IL1RL1: variants seen among roughly 807,000 people sequenced by gnomAD.
IL1RL1 encodes the protein interleukin 1 receptor like 1, also known as interleukin-1 receptor-like 1.
A neutral mutation model predicts 50.9 loss-of-function variants in IL1RL1; 32 were observed. That is an observed-to-expected ratio of 0.63 (90% CI 0.47 to 0.84). IL1RL1 has a LOEUF of 0.84. IL1RL1 is among the 40% of genes least tolerant of loss of function. The pLI is 0.00. For synonymous variants in IL1RL1, 275 were observed against 236.0 expected, an observed-to-expected ratio of 1.17 and a Z score of -1.51; for missense variants, 773 against 662.9, an observed-to-expected ratio of 1.17 and a Z score of -1.82.
rs116828429 is a variant in IL1RL1, at chr2:102,335,089, C to T, written c.-149-3027C>T. ...AGTGGGTGTTTGCCAGAGAAACAAGCGGACACTGGAAGATTTCTGATTAAG... is the reference window on the plus strand; with the variant it reads ...AGTGGGTGTTTGCCAGAGAAACAAGTGGACACTGGAAGATTTCTGATTAAG... On this transcript the variant is annotated intron_variant, in intron 1 of 10. Coordinates refer to ENST00000233954, the MANE Select transcript of IL1RL1 (RefSeq NM_016232.5). Among the ~76,000 whole-genome samples the T allele has an allele frequency of 5.5e-3, 844 of 152,180 alleles. 17 individuals are homozygous for T. The highest frequency in any genetic ancestry group is 0.02 in the African/African-American group (814 of 41,508).
At chr2:102,344,149 AGG>A in intron 8 of IL1RL1, 1 of 159,012 alleles carries the variant, frequency 6.3e-6, no homozygotes, top group Non-Finnish European at 1.3e-5. Context: ...AGCGAGAGAG[AGG>A]TGCCACACTG....
chr2:102,320,254 A>G (rs1676799028), intron 1 of IL1RL1, among the ~76,000 whole-genome samples: 1 of 152,168 alleles, frequency 6.6e-6, no homozygotes, highest in Admixed American at 6.5e-5. Flanking sequence ...CCTGGGTCAG[A>G]ACTCAGGGTC....
intron 5 of IL1RL1, among the ~76,000 whole-genome samples, 195 bp downstream of exon 5, chr2:102,341,023 G>T: frequency 6.6e-6 from 1 of 152,142 alleles, no homozygotes; most frequent in East Asian, 1.9e-4. Context: ...AGAAATTTCA[G>T]GGGGAAATTA....
At chr2:102,348,800 T>C (rs1363276600) in intron 9 of IL1RL1, among the ~76,000 whole-genome samples, 1 of 152,184 alleles carries the variant, frequency 6.6e-6, no homozygotes, top group Non-Finnish European at 1.5e-5. Flanking sequence ...TAGTCATAGA[T>C]TATTAATCAA....
At chr2:102,347,453 A>G (rs954825104) in intron 8 of IL1RL1, among the ~76,000 whole-genome samples, 1 of 152,188 alleles carries the variant, frequency 6.6e-6, no homozygotes, top group African/African-American at 2.4e-5. Flanking sequence ...CTTTCTAATC[A>G]TATCTTCCAC....
In IL1RL1 at chr2:102,333,467, A is replaced by G. The variant is rs543801519; in HGVS notation, c.-149-4649A>G. Reference sequence around the variant, plus strand: ...ATCATTACAATTAGAAGACAATGGGAGATGCTGAATTTTCTTTGGGGCAAG... The same window carrying G: ...ATCATTACAATTAGAAGACAATGGGGGATGCTGAATTTTCTTTGGGGCAAG... On this transcript the variant is annotated intron_variant, in intron 1 of 10. Coordinates refer to ENST00000233954, the MANE Select transcript of IL1RL1 (RefSeq NM_016232.5). 8.7e-4 allele frequency among the ~76,000 whole-genome samples: 132 copies of G among 152,280 alleles called. 1 individual carries two copies. The highest frequency in any genetic ancestry group is 2.9e-3 in the African/African-American group (119 of 41,550).
At chr2:102,347,909 AGT>A in intron 8 of IL1RL1, 34 bp from the exon 9 acceptor site, 1 of 1,241,436 alleles carries the variant, frequency 8.1e-7, no homozygotes, top group Non-Finnish European at 1.2e-6. Context: ...ATCTTGTTTC[AGT>A]AGTAATAATA....
chr2:102,326,621 G>C (rs921482725), intron 1 of IL1RL1, among the ~76,000 whole-genome samples: 2 of 151,772 alleles, frequency 1.3e-5, no homozygotes, highest in African/African-American at 4.8e-5. Context: ...TCACATGCCG[G>C]GACACACATA....
intron 9 of IL1RL1, 116 bp downstream of exon 9, chr2:102,348,207 G>A: frequency 1.3e-6 from 1 of 795,626 alleles, no homozygotes; most frequent in Non-Finnish European, 2.0e-6. Flanking sequence ...CATTTTGCTT[G>A]CTAATCTGTT....
At position 102,338,252 on chromosome 2, in the gene IL1RL1, A is replaced by T; in HGVS notation, c.-13A>T. 1 of 1,594,804 alleles carries T rather than the reference A, an allele frequency of 6.3e-7. No individual in the cohort carries two copies. On this transcript the variant is annotated 5_prime_UTR_variant, in exon 2 of 11. Coordinates refer to ENST00000233954, the MANE Select transcript of IL1RL1 (RefSeq NM_016232.5). ...AACGAGTTACCAATACTTGCTCTTG[A>T]TTGATAAACAGAATGGGGTTTTGGA...
intron 1 of IL1RL1, among the ~76,000 whole-genome samples, chr2:102,336,472 TTC>T (rs140459425): frequency 0.028 from 4,233 of 152,316 alleles, 174 homozygotes; most frequent in African/African-American, 0.096. Context: ...TCCTGAATCC[TTC>T]TGAGATGTGA....
intron 5 of IL1RL1, 60 bp from the exon 6 acceptor site, chr2:102,342,163 G>A: frequency 1.7e-6 from 2 of 1,164,546 alleles, no homozygotes; most frequent in East Asian, 5.0e-5. Context: ...GAAAATACAA[G>A]CTTTATATTG....
chr2:102,335,081 G>A (rs1677277163), intron 1 of IL1RL1, among the ~76,000 whole-genome samples: 1 of 152,182 alleles, frequency 6.6e-6, no homozygotes, highest in Non-Finnish European at 1.5e-5. Flanking sequence ...GTTTGCCAGA[G>A]AAACAAGCGG....
intron 1 of IL1RL1, among the ~76,000 whole-genome samples, chr2:102,314,198 G>A (rs1217211392): frequency 3.3e-5 from 5 of 152,194 alleles, no homozygotes; most frequent in African/African-American, 1.2e-4. Flanking sequence ...GCCAGACCCT[G>A]AGACAAGCAC....
chr2:102,337,103 T>A (rs1677353449), intron 1 of IL1RL1: 1 of 152,240 alleles, frequency 6.6e-6, no homozygotes, highest in African/African-American at 2.4e-5. Context: ...TACTCAATGT[T>A]GTTTTTATGT....
chr2:102,317,226 C>T (rs1213691687), intron 1 of IL1RL1, among the ~76,000 whole-genome samples: 5 of 151,856 alleles, frequency 3.3e-5, no homozygotes, highest in Non-Finnish European at 7.4e-5. Flanking sequence ...TGGTGGTGGG[C>T]GCCTGTAGTC....
intron 1 of IL1RL1, among the ~76,000 whole-genome samples, chr2:102,321,499 G>C (rs908265096): frequency 5.3e-5 from 8 of 152,122 alleles, no homozygotes; most frequent in African/African-American, 1.9e-4. Context: ...ATGCAGTGTT[G>C]GTATGTGCGG....
intron 5 of IL1RL1, among the ~76,000 whole-genome samples, 197 bp from the exon 6 acceptor site, chr2:102,342,026 A>G (rs559131068): frequency 2.0e-5 from 3 of 149,150 alleles, no homozygotes; most frequent in South Asian, 4.2e-4. Flanking sequence ...AGAAAGTTTT[A>G]TTTAAGTGCC....
At chr2:102,338,384 A>G in intron 2 of IL1RL1, 59 bp downstream of exon 2, 2 of 1,031,218 alleles carry the variant, frequency 1.9e-6, no homozygotes, top group African/African-American at 1.6e-5. Flanking sequence ...TTTCAAGAAC[A>G]TTTACCTTGT....
Sources: gnomAD v4.1 joint callset for allele counts (sites outside exome capture counted in the v4.1 genomes callset) on GRCh38, gnomAD v4.1.1 for gene constraint, MANE v1.5 for transcripts, NCBI Gene and HGNC (gene_info 2026-07-23, HGNC 2026-07-21) for gene names.